The following GRIK1 variants were observed in gnomAD, a reference collection of about 807,000 sequenced individuals.
The protein encoded by GRIK1 is glutamate ionotropic receptor kainate type subunit 1, also known as glutamate receptor ionotropic, kainate 1.
Under a neutral mutation model 105.7 loss-of-function variants are expected in GRIK1, and 69 were observed. The observed-to-expected ratio is 0.65, with a 90% CI of 0.54 to 0.80. The LOEUF is 0.80. Among genes scored for constraint, GRIK1 ranks in the 30% least tolerant of loss-of-function variants. GRIK1 has a pLI of 0.00. For missense variants in GRIK1, 1,109 were observed against 1,167.3 expected (o/e 0.95, Z 0.73); for synonymous variants, 438 against 431.3 (o/e 1.02, Z -0.19).
At chr21:29,844,090 C>CT (rs2146015104) in intron 1 of GRIK1, among the ~76,000 whole-genome samples, 1 of 152,256 alleles carries the variant, frequency 6.6e-6, no homozygotes, top group East Asian at 1.9e-4. Flanking sequence ...CCAGAGTATG[C>CT]ACTCAGTGGT....
rs1176000466 is a variant in GRIK1, at chr21:29,577,000, C to T, written c.2094G>A (p.Gly698=). ...DLAKQTKIEY[G]AVRDGSTMTF... ...TCATTGTTGATCCATCTCTAACCGCCCCATATTCTATCTTGGTTTGCTTTG... is the reference window on the plus strand; with the variant it reads ...TCATTGTTGATCCATCTCTAACCGCTCCATATTCTATCTTGGTTTGCTTTG... The change falls in exon 14 of 18, where the codon GGG becomes GGA. Residue 698 remains glycine, a synonymous_variant. Coordinates refer to ENST00000327783, the MANE Select transcript of GRIK1 (RefSeq NM_001330994.2). The T allele has an allele frequency of 1.9e-6, 3 of 1,612,912 alleles. No homozygotes were observed. The highest frequency in any genetic ancestry group is 2.5e-6 in the Non-Finnish European group (3 of 1,179,086).
At chr21:29,676,035 GC>G (rs2063259443) in intron 3 of GRIK1, among the ~76,000 whole-genome samples, 1 of 152,126 alleles carries the variant, frequency 6.6e-6, no homozygotes, top group South Asian at 2.1e-4. Context: ...GGCACACTAG[GC>G]CGTTAATAAA....
At chr21:29,830,070 T>C (rs1247217708) in intron 1 of GRIK1, among the ~76,000 whole-genome samples, 4 of 152,266 alleles carry the variant, frequency 2.6e-5, no homozygotes, top group South Asian at 4.1e-4. Context: ...TCTGACACCA[T>C]ATGTTCTAAA....
chr21:29,808,796 A>AT (rs1369472522), intron 1 of GRIK1, among the ~76,000 whole-genome samples: 1 of 152,138 alleles, frequency 6.6e-6, no homozygotes, highest in Non-Finnish European at 1.5e-5. Context: ...GCAGTTCAAA[A>AT]TGTAGTTTAT....
intron 1 of GRIK1, among the ~76,000 whole-genome samples, chr21:29,891,500 T>C (rs1396227856): frequency 1.3e-5 from 2 of 152,184 alleles, no homozygotes; most frequent in Non-Finnish European, 2.9e-5. Context: ...GTCTAAAAAT[T>C]CCATTCCTTC....
At chr21:29,708,763 A>G (rs551888969) in intron 1 of GRIK1, among the ~76,000 whole-genome samples, 47 of 152,348 alleles carry the variant, frequency 3.1e-4, no homozygotes, top group African/African-American at 8.9e-4. Flanking sequence ...GCAAAAATCC[A>G]TCTTTTAAGC....
intron 12 of GRIK1, among the ~76,000 whole-genome samples, chr21:29,585,928 T>C (rs540573945): frequency 6.6e-6 from 1 of 152,194 alleles, no homozygotes; most frequent in African/African-American, 2.4e-5. Flanking sequence ...TTTTGGGGGG[T>C]ACCTGTCCTG....
At chr21:29,925,579 T>C (rs2071340658) in intron 1 of GRIK1, among the ~76,000 whole-genome samples, 1 of 152,170 alleles carries the variant, frequency 6.6e-6, no homozygotes, top group South Asian at 2.1e-4. Flanking sequence ...CAAATGTTAC[T>C]TTGCAAAACC....
At chr21:29,904,961 G>T (rs182817402) in intron 1 of GRIK1, among the ~76,000 whole-genome samples, 1 of 152,070 alleles carries the variant, frequency 6.6e-6, no homozygotes, top group Non-Finnish European at 1.5e-5. Flanking sequence ...AGTTCCAAAG[G>T]GTCACACCGC....
At chr21:29,937,594 A>G (rs1023376271) in intron 1 of GRIK1, among the ~76,000 whole-genome samples, 5 of 152,176 alleles carry the variant, frequency 3.3e-5, no homozygotes, top group African/African-American at 1.2e-4. Flanking sequence ...GAGTTCCTTT[A>G]GATGTGGGGG....
At chr21:29,671,080 A>AT (rs1476585375) in intron 4 of GRIK1, among the ~76,000 whole-genome samples, 1 of 152,086 alleles carries the variant, frequency 6.6e-6, no homozygotes, top group African/African-American at 2.4e-5. Context: ...GATGTCTGTG[A>AT]TTGCTTTCAA....
At chr21:29,699,212 G>A (rs774651514) in intron 1 of GRIK1, among the ~76,000 whole-genome samples, 17 of 152,166 alleles carry the variant, frequency 1.1e-4, no homozygotes, top group Non-Finnish European at 1.9e-4. Flanking sequence ...TCACTGTTAT[G>A]GACTGAATTG....
chr21:29,607,260 A>G (rs1251549612), intron 7 of GRIK1, among the ~76,000 whole-genome samples: 1 of 152,060 alleles, frequency 6.6e-6, no homozygotes, highest in South Asian at 2.1e-4. Flanking sequence ...TCTGAGCAAG[A>G]TTATGTCTCA....
At chr21:29,538,924 T>G (rs2123638739) in intron 16 of GRIK1, among the ~76,000 whole-genome samples, 1 of 152,334 alleles carries the variant, frequency 6.6e-6, no homozygotes, top group Non-Finnish European at 1.5e-5. Context: ...GCCTAGAATT[T>G]AGGTTCTAGG....
At chr21:29,727,117 G>C (rs1212351648) in intron 1 of GRIK1, among the ~76,000 whole-genome samples, 1 of 151,842 alleles carries the variant, frequency 6.6e-6, no homozygotes, top group Non-Finnish European at 1.5e-5. Context: ...GTAGAGATGG[G>C]GTCTCATCAT....
chr21:29,759,737 C>G (rs144538406), intron 1 of GRIK1, among the ~76,000 whole-genome samples: 45 of 152,248 alleles, frequency 3.0e-4, no homozygotes, highest in Non-Finnish European at 4.9e-4. Context: ...GAATGCATTT[C>G]GTTAGCTCTA....
intron 1 of GRIK1, among the ~76,000 whole-genome samples, chr21:29,907,338 G>A (rs1010449000): frequency 7.9e-5 from 12 of 151,910 alleles, no homozygotes; most frequent in African/African-American, 2.9e-4. Flanking sequence ...AGAAAACCAA[G>A]AAAATTTCAA....
chr21:29,846,395 A>G (rs2068113670), intron 1 of GRIK1, among the ~76,000 whole-genome samples: 1 of 151,688 alleles, frequency 6.6e-6, no homozygotes, highest in Non-Finnish European at 1.5e-5. Context: ...TCAAAAAAAA[A>G]AAAAGAAAGA....
At chr21:29,692,733 G>A (rs922397532) in intron 2 of GRIK1, among the ~76,000 whole-genome samples, 4 of 152,046 alleles carry the variant, frequency 2.6e-5, no homozygotes, top group East Asian at 3.9e-4. Context: ...CACCATGCCC[G>A]GCTACTTTTT....
Sources: gnomAD v4.1 joint callset for allele counts (sites outside exome capture counted in the v4.1 genomes callset) on GRCh38, gnomAD v4.1.1 for gene constraint, MANE v1.5 for transcripts, NCBI Gene and HGNC (gene_info 2026-07-23, HGNC 2026-07-21) for gene names.